The following MEF2C variants were observed in gnomAD, a reference collection of about 807,000 sequenced individuals.
The protein encoded by MEF2C is myocyte-specific enhancer factor 2C.
A neutral mutation model predicts 50.5 loss-of-function variants in MEF2C; 6 were observed. The observed-to-expected ratio is 0.12, with a 90% CI of 0.07 to 0.23. The LOEUF is 0.23. Ranked by LOEUF, MEF2C falls within the 10% of genes least tolerant of loss-of-function variation. The pLI, the probability that MEF2C is intolerant of heterozygous loss-of-function variation, is 1.00. For missense variants in MEF2C, 276 were observed against 605.0 expected, an observed-to-expected ratio of 0.46 and a Z score of 5.70; for synonymous variants, 183 against 228.0, an observed-to-expected ratio of 0.80 and a Z score of 1.78.
intron 3 of MEF2C, among the ~76,000 whole-genome samples, chr5:88,787,085 G>A (rs537197182): frequency 6.6e-6 from 1 of 152,242 alleles, no homozygotes; most frequent in South Asian, 2.1e-4. Context: ...TGGCCCTGGA[G>A]GGCCGTGAAC....
At chr5:88,844,680 T>C in intron 1 of MEF2C, 1 of 597,228 alleles carries the variant, frequency 1.7e-6, no homozygotes, top group Non-Finnish European at 2.1e-6. Context: ...TGCACTTCTA[T>C]TTAAAGTCAT....
At chr5:88,899,091 C>G (rs1177947845) in intron 1 of MEF2C, among the ~76,000 whole-genome samples, 1 of 152,072 alleles carries the variant, frequency 6.6e-6, no homozygotes, top group Non-Finnish European at 1.5e-5. Context: ...GTCAATTCAG[C>G]CTTATAGTGC....
At chr5:88,900,708 A>G (rs1419975708) in intron 1 of MEF2C, among the ~76,000 whole-genome samples, 1 of 151,980 alleles carries the variant, frequency 6.6e-6, no homozygotes, top group African/African-American at 2.4e-5. Context: ...AAGGAATATA[A>G]TTCACATTAA....
intron 6 of MEF2C, chr5:88,737,587 T>C: frequency 1.0e-6 from 1 of 985,414 alleles, no homozygotes; most frequent in Non-Finnish European, 1.2e-6. Flanking sequence ...AAAGATAAGC[T>C]GCATGGTATC....
chr5:88,740,871 G>A (rs547564996), intron 6 of MEF2C: 3 of 985,344 alleles, frequency 3.0e-6, no homozygotes, highest in Non-Finnish European at 3.6e-6. Flanking sequence ...TGCTAAAAAT[G>A]AGGGGGTGTC....
chr5:88,785,039 T>C (rs1388805324), intron 3 of MEF2C, among the ~76,000 whole-genome samples: 1 of 152,236 alleles, frequency 6.6e-6, no homozygotes, highest in South Asian at 2.1e-4. Flanking sequence ...TGTACACAGA[T>C]ACAAGGACCT....
At chr5:88,853,740 A>G (rs1822245479) in intron 1 of MEF2C, among the ~76,000 whole-genome samples, 1 of 152,318 alleles carries the variant, frequency 6.6e-6, no homozygotes, top group African/African-American at 2.4e-5. Flanking sequence ...AACCCTTTCC[A>G]ATGTACTTGA....
intron 1 of MEF2C, among the ~76,000 whole-genome samples, chr5:88,895,790 TC>T (rs549908248): frequency 0.038 from 5,808 of 152,254 alleles, 142 homozygotes; most frequent in Non-Finnish European, 0.051. Context: ...CAAAGTCCTT[TC>T]ATCCCTCAGC....
At chr5:88,850,966 C>A (rs1448826094) in intron 1 of MEF2C, among the ~76,000 whole-genome samples, 1 of 151,998 alleles carries the variant, frequency 6.6e-6, no homozygotes, top group Non-Finnish European at 1.5e-5. Flanking sequence ...TTTCTCTTTT[C>A]TATGATTTTC....
chr5:88,740,048 A>C (rs936528329), intron 6 of MEF2C: 2 of 985,240 alleles, frequency 2.0e-6, no homozygotes, highest in African/African-American at 3.5e-5. Context: ...GAAATACCCC[A>C]AGACTATACC....
chr5:88,872,020 A>G (rs1288646047), intron 1 of MEF2C, among the ~76,000 whole-genome samples: 2 of 152,068 alleles, frequency 1.3e-5, no homozygotes, highest in African/African-American at 4.8e-5. Flanking sequence ...TCTATAGAGT[A>G]CCTATTATAT....
At chr5:88,794,361 A>C (rs987082330) in intron 3 of MEF2C, among the ~76,000 whole-genome samples, 2 of 152,108 alleles carry the variant, frequency 1.3e-5, no homozygotes, top group Admixed American at 1.3e-4. Flanking sequence ...ATGTTATCTC[A>C]TTGTGCTTTT....
chr5:88,855,063 G>A (rs755360576), intron 1 of MEF2C, among the ~76,000 whole-genome samples: 1 of 152,176 alleles, frequency 6.6e-6, no homozygotes, highest in African/African-American at 2.4e-5. Context: ...ACACAGAAAG[G>A]GTGCTGGACC....
At chr5:88,836,193 C>A (rs1286799308) in intron 1 of MEF2C, among the ~76,000 whole-genome samples, 1 of 152,076 alleles carries the variant, frequency 6.6e-6, no homozygotes, top group Non-Finnish European at 1.5e-5. Flanking sequence ...AAACATAAAT[C>A]TGAAAGTTTT....
intron 1 of MEF2C, among the ~76,000 whole-genome samples, chr5:88,852,255 A>G (rs1302773942): frequency 6.6e-6 from 1 of 152,194 alleles, no homozygotes; most frequent in Non-Finnish European, 1.5e-5. Context: ...TTAAAAAGTT[A>G]ATTTTAAAGC....
At chr5:88,869,273 A>ATG (rs1828533867) in intron 1 of MEF2C, among the ~76,000 whole-genome samples, 1 of 50,356 alleles carries the variant, frequency 2.0e-5, no homozygotes, top group East Asian at 5.2e-4. Flanking sequence ...ATATATATAT[A>ATG]TATACATATA....
At chr5:88,823,006 T>C (rs1809144569) in intron 2 of MEF2C, among the ~76,000 whole-genome samples, 1 of 151,940 alleles carries the variant, frequency 6.6e-6, no homozygotes, top group Non-Finnish European at 1.5e-5. Context: ...TAGAGTCAAA[T>C]TGCAGGCATT....
intron 6 of MEF2C, chr5:88,734,595 T>TGA: frequency 1.1e-5 from 7 of 654,864 alleles, no homozygotes; most frequent in Non-Finnish European, 1.1e-5. Flanking sequence ...TTTTTTTTTT[T>TGA]TTTAGCATTT....
chr5:88,729,070 G>T, intron 9 of MEF2C, 148 bp downstream of exon 9: 2 of 798,506 alleles, frequency 2.5e-6, no homozygotes, highest in African/African-American at 1.8e-5. Context: ...TATTCACTTT[G>T]TCTTAGTGAA....
Sources: gnomAD v4.1 joint callset for allele counts (sites outside exome capture counted in the v4.1 genomes callset) on GRCh38, gnomAD v4.1.1 for gene constraint, MANE v1.5 for transcripts, NCBI Gene and HGNC (gene_info 2026-07-23, HGNC 2026-07-21) for gene names.